CSMD1: variants seen among roughly 807,000 people sequenced by gnomAD.
The protein encoded by CSMD1 is CUB and sushi domain-containing protein 1.
In CSMD1, 213 loss-of-function variants were observed where a neutral mutation model predicts 417.5. That is an observed-to-expected ratio of 0.51 (90% CI 0.46 to 0.57). The LOEUF (loss-of-function observed/expected upper bound fraction) is 0.57. Among genes scored for constraint, CSMD1 ranks in the 20% least tolerant of loss-of-function variants. The pLI, the probability that CSMD1 is intolerant of heterozygous loss-of-function variation, is 0.00. For synonymous variants in CSMD1, 2,862 were observed against 1,736.8 expected (o/e 1.65, Z -16.11); for missense variants, 6,923 against 4,529.7 (o/e 1.53, Z -15.17).
intron 2 of CSMD1, among the ~76,000 whole-genome samples, chr8:4,586,801 G>T (rs1162754857): frequency 6.6e-6 from 1 of 152,210 alleles, no homozygotes; most frequent in Non-Finnish European, 1.5e-5. Flanking sequence ...ATACTGGGCT[G>T]CAGCTGTTCT....
chr8:4,093,641 G>A (rs957236811), intron 3 of CSMD1, among the ~76,000 whole-genome samples: 5 of 152,088 alleles, frequency 3.3e-5, no homozygotes, highest in Admixed American at 6.6e-5. Context: ...CTATGATTGA[G>A]AGGAGAAAGT....
intron 3 of CSMD1, among the ~76,000 whole-genome samples, chr8:4,080,774 A>C (rs548760051): frequency 6.6e-6 from 1 of 152,330 alleles, no homozygotes; most frequent in Admixed American, 6.5e-5. Flanking sequence ...AGACTGGGCT[A>C]AATTACCACA....
chr8:3,325,447 A>G (rs940807088), intron 23 of CSMD1, among the ~76,000 whole-genome samples: 3 of 152,196 alleles, frequency 2.0e-5, no homozygotes, highest in Non-Finnish European at 4.4e-5. Flanking sequence ...TATTTATGTC[A>G]TCCTCCTCTA....
intron 68 of CSMD1, among the ~76,000 whole-genome samples, chr8:2,942,816 T>C (rs966729243): frequency 1.3e-5 from 2 of 152,226 alleles, no homozygotes; most frequent in African/African-American, 2.4e-5. Flanking sequence ...TAATGGAGAA[T>C]ACTATGAAAG....
At chr8:4,106,576 A>C (rs530410841) in intron 3 of CSMD1, among the ~76,000 whole-genome samples, 1 of 152,236 alleles carries the variant, frequency 6.6e-6, no homozygotes, top group Non-Finnish European at 1.5e-5. Flanking sequence ...ATGTGAGTTA[A>C]TAATTAAAGG....
chr8:4,240,707 A>T (rs181529133), intron 3 of CSMD1, among the ~76,000 whole-genome samples: 4 of 152,358 alleles, frequency 2.6e-5, no homozygotes, highest in African/African-American at 9.6e-5. Context: ...CACAATTTAA[A>T]AAATGCAGTT....
chr8:3,413,665 T>A (rs1312888245), intron 12 of CSMD1, among the ~76,000 whole-genome samples: 2 of 152,180 alleles, frequency 1.3e-5, no homozygotes, highest in Non-Finnish European at 2.9e-5. Context: ...ACACACTGAG[T>A]GTCACTACTG....
chr8:4,245,817 C>G (rs934991025), intron 3 of CSMD1, among the ~76,000 whole-genome samples: 1 of 152,110 alleles, frequency 6.6e-6, no homozygotes, highest in African/African-American at 2.4e-5. Context: ...AAATTATTGA[C>G]AAGTGTGCAC....
At chr8:3,677,806 A>G (rs895768958) in intron 7 of CSMD1, among the ~76,000 whole-genome samples, 4 of 152,210 alleles carry the variant, frequency 2.6e-5, no homozygotes, top group Admixed American at 2.6e-4. Context: ...TAAAACCAGT[A>G]GATGACATAA....
chr8:3,905,809 C>G (rs543545932), intron 5 of CSMD1, among the ~76,000 whole-genome samples: 1 of 152,332 alleles, frequency 6.6e-6, no homozygotes, highest in Admixed American at 6.5e-5. Flanking sequence ...CTGTAGTTAA[C>G]AAAGTCCAAA....
At chr8:3,658,894 C>A (rs1158384441) in intron 7 of CSMD1, among the ~76,000 whole-genome samples, 2 of 152,168 alleles carry the variant, frequency 1.3e-5, no homozygotes, top group African/African-American at 2.4e-5. Context: ...TTCTGTTTTG[C>A]CATTTCAATT....
chr8:4,862,439 G>C (rs994542378), intron 1 of CSMD1, among the ~76,000 whole-genome samples: 1 of 152,110 alleles, frequency 6.6e-6, no homozygotes, highest in Non-Finnish European at 1.5e-5. Context: ...GTGTTGGGTA[G>C]AGGCATGTGT....
chr8:4,052,807 T>C (rs1391367646), intron 3 of CSMD1, among the ~76,000 whole-genome samples: 4 of 152,122 alleles, frequency 2.6e-5, no homozygotes, highest in African/African-American at 9.7e-5. Flanking sequence ...CCAGATACTC[T>C]AACTGTGCAG....
intron 7 of CSMD1, among the ~76,000 whole-genome samples, chr8:3,689,808 G>C (rs1259192886): frequency 6.6e-6 from 1 of 152,158 alleles, no homozygotes; most frequent in Non-Finnish European, 1.5e-5. Context: ...CTATTCATTG[G>C]AGACACCATG....
chr8:4,875,564 T>C (rs140910512), intron 1 of CSMD1, among the ~76,000 whole-genome samples: 2 of 152,146 alleles, frequency 1.3e-5, no homozygotes, highest in East Asian at 3.9e-4. Context: ...GAAGCATAGA[T>C]CTTGTCACCA....
chr8:4,365,824 C>T (rs1802036118), intron 3 of CSMD1, among the ~76,000 whole-genome samples: 1 of 152,134 alleles, frequency 6.6e-6, no homozygotes, highest in South Asian at 2.1e-4. Flanking sequence ...GATCTTTTGA[C>T]TTTTCTAGAT....
At chr8:3,675,125 A>T (rs1214685044) in intron 7 of CSMD1, among the ~76,000 whole-genome samples, 1 of 151,978 alleles carries the variant, frequency 6.6e-6, no homozygotes, top group Non-Finnish European at 1.5e-5. Context: ...TCCCCTCACC[A>T]CTTTCCCATC....
chr8:3,352,295 G>T (rs894240007), intron 21 of CSMD1, among the ~76,000 whole-genome samples: 2 of 152,152 alleles, frequency 1.3e-5, no homozygotes, highest in African/African-American at 4.8e-5. Context: ...CCTGAACCAG[G>T]TTGCAGGGAA....
chr8:4,625,910 G>C (rs999729243), intron 2 of CSMD1, among the ~76,000 whole-genome samples: 1 of 152,092 alleles, frequency 6.6e-6, no homozygotes, highest in Non-Finnish European at 1.5e-5. Flanking sequence ...TTTTGGTAGA[G>C]ACGGGGTTTC....
Sources: gnomAD v4.1 joint callset for allele counts (sites outside exome capture counted in the v4.1 genomes callset) on GRCh38, gnomAD v4.1.1 for gene constraint, MANE v1.5 for transcripts, NCBI Gene and HGNC (gene_info 2026-07-23, HGNC 2026-07-21) for gene names.